Variants in TPD52L1 observed in about 807,000 individuals in gnomAD.
TPD52L1 encodes the protein tumor protein D53.
A neutral mutation model predicts 28.7 loss-of-function variants in TPD52L1; 18 were observed. That is an observed-to-expected ratio of 0.63 (90% confidence interval 0.43 to 0.93). The LOEUF (loss-of-function observed/expected upper bound fraction) is 0.93. TPD52L1 is among the 40% of genes least tolerant of loss of function. The pLI, the probability that TPD52L1 is intolerant of heterozygous loss-of-function variation, is 0.00. For synonymous variants in TPD52L1, 75 were observed against 88.8 expected (o/e 0.84, Z 0.88); for missense variants, 203 against 254.8 (o/e 0.80, Z 1.39).
In TPD52L1 at chr6:125,160,786, G is replaced by C. The variant is rs954902252; in HGVS notation, c.19+6816G>C. 2.6e-5 allele frequency among the ~76,000 whole-genome samples: 4 copies of C among 151,578 alleles called. No homozygotes were observed. In the East Asian group the frequency reaches 7.7e-4, roughly 29 times the overall value. ...CTATCTTAGCCAGATCTTCTGGAGA[G>C]CTTGCTGCAGCTTTGGCAACAGCCC... On this transcript the variant is annotated intron_variant, in intron 1 of 6. Coordinates refer to ENST00000534000, the MANE Select transcript of TPD52L1 (RefSeq NM_003287.4).
chr6:125,182,359 T>C (rs1792255965), intron 1 of TPD52L1, among the ~76,000 whole-genome samples: 1 of 152,134 alleles, frequency 6.6e-6, no homozygotes. Context: ...CTGCCTTTTT[T>C]AGGAATCGTG....
intron 1 of TPD52L1, among the ~76,000 whole-genome samples, chr6:125,191,377 G>A (rs1406245029): frequency 6.6e-6 from 1 of 152,184 alleles, no homozygotes; most frequent in Admixed American, 6.5e-5. Flanking sequence ...AAATGAAGAA[G>A]GGAGAGTCCA....
At chr6:125,171,932 ATT>A (rs59372322) in intron 1 of TPD52L1, among the ~76,000 whole-genome samples, 4 of 151,090 alleles carry the variant, frequency 2.6e-5, no homozygotes. Context: ...TGGGATGTAT[ATT>A]TTTTTTTGTG....
Position 125,260,963 on chromosome 6 carries a change from A to G in TPD52L1, c.487-1871A>G, listed in dbSNP as rs1444688750. 59 of 42,042 alleles carry G rather than the reference A, an allele frequency of 1.4e-3. 2 individuals carry two copies. The highest frequency in any genetic ancestry group is 0.013 in the African/African-American group (57 of 4,270). 2.6% of individuals were successfully genotyped at this position (42,042 alleles called of 1,614,324 possible). On this transcript the variant is annotated intron_variant, in intron 6 of 6. Transcript: ENST00000534000. The stretch of plus-strand genomic sequence containing the variant: ...AAGAAAGAAAGAAAGAAAGAAAGAA[A>G]GAAAGAAAGAAAGAAAAGAAAAGAA...
chr6:125,171,606 A>G (rs1350249516), intron 1 of TPD52L1, among the ~76,000 whole-genome samples: 1 of 152,154 alleles, frequency 6.6e-6, no homozygotes, highest in Non-Finnish European at 1.5e-5. Context: ...GTCTTTTAGG[A>G]CATAAGGAAG....
intron 1 of TPD52L1, chr6:125,154,273 G>A: frequency 1.7e-6 from 2 of 1,210,018 alleles, no homozygotes; most frequent in Non-Finnish European, 1.0e-6. Context: ...CCAACCTCGC[G>A]GCTGCCCGAA....
intron 1 of TPD52L1, among the ~76,000 whole-genome samples, chr6:125,159,474 C>T (rs1257969422): frequency 6.6e-6 from 1 of 152,206 alleles, no homozygotes. Context: ...ATCTGCACTT[C>T]ATTTCCTCCA....
intron 1 of TPD52L1, among the ~76,000 whole-genome samples, chr6:125,192,413 CAG>C (rs959659601): frequency 3.3e-5 from 5 of 151,172 alleles, no homozygotes; most frequent in African/African-American, 7.3e-5. Context: ...GGAGGAGAAA[CAG>C]AGTTGCAGCT....
chr6:125,206,121 C>A (rs1004350847), intron 1 of TPD52L1, among the ~76,000 whole-genome samples: 62 of 152,086 alleles, frequency 4.1e-4, no homozygotes, highest in African/African-American at 1.5e-3. Context: ...GACATAATTT[C>A]TTTTTTTAGC....
intron 3 of TPD52L1, among the ~76,000 whole-genome samples, chr6:125,239,338 T>C (rs538850713): frequency 1.5e-4 from 23 of 152,220 alleles, no homozygotes; most frequent in African/African-American, 5.5e-4. Context: ...ATACCCAAGA[T>C]TGGGTAATTT....
chr6:125,182,552 G>T (rs746113300), intron 1 of TPD52L1, among the ~76,000 whole-genome samples: 1 of 152,104 alleles, frequency 6.6e-6, no homozygotes, highest in Non-Finnish European at 1.5e-5. Context: ...CAGGCATTGG[G>T]TACAGCTTCT....
chr6:125,177,222 A>G (rs777850890), intron 1 of TPD52L1, among the ~76,000 whole-genome samples: 7 of 152,076 alleles, frequency 4.6e-5, no homozygotes, highest in Non-Finnish European at 8.8e-5. Context: ...CTAATCTTCC[A>G]AACCCGTTTT....
At chr6:125,248,477 A>AT (rs1797055167) in intron 4 of TPD52L1, 94 bp downstream of exon 4, 3 of 820,622 alleles carry the variant, frequency 3.7e-6, no homozygotes, top group East Asian at 2.6e-5. Flanking sequence ...CAACATATGT[A>AT]TTTTTTTATT....
At chr6:125,159,633 C>T (rs1186763130) in intron 1 of TPD52L1, among the ~76,000 whole-genome samples, 1 of 152,118 alleles carries the variant, frequency 6.6e-6, no homozygotes, top group Non-Finnish European at 1.5e-5. Flanking sequence ...AGAATGTTTT[C>T]AATTTATTTT....
chr6:125,262,570 G>C, intron 6 of TPD52L1: 1 of 356,580 alleles, frequency 2.8e-6, no homozygotes, highest in Non-Finnish European at 5.1e-6. Context: ...CTCCTGAAGG[G>C]ATTAAAATCT....
At chr6:125,251,193 G>A (rs1393890076) in intron 4 of TPD52L1, among the ~76,000 whole-genome samples, 2 of 152,054 alleles carry the variant, frequency 1.3e-5, no homozygotes, top group African/African-American at 4.8e-5. Flanking sequence ...TGTAAATATG[G>A]GGAATATGTT....
chr6:125,251,753 G>A (rs1562384851), intron 4 of TPD52L1, among the ~76,000 whole-genome samples: 1 of 152,194 alleles, frequency 6.6e-6, no homozygotes, highest in Non-Finnish European at 1.5e-5. Flanking sequence ...CTGATCCACT[G>A]GGGACAAAAT....
At chr6:125,166,444 G>A (rs561244988) in intron 1 of TPD52L1, among the ~76,000 whole-genome samples, 131 of 152,154 alleles carry the variant, frequency 8.6e-4, no homozygotes, top group African/African-American at 3.1e-3. Context: ...GATATCCCAG[G>A]GTTCCAACAG....
chr6:125,230,095 A>G (rs1382334212), intron 3 of TPD52L1, among the ~76,000 whole-genome samples: 6 of 152,136 alleles, frequency 3.9e-5, no homozygotes, highest in Non-Finnish European at 8.8e-5. Flanking sequence ...CAAAAAAAAG[A>G]AAGGAAGAAA....
Sources: allele counts gnomAD v4.1 joint callset (sites outside exome capture counted in the v4.1 genomes callset), GRCh38; gene constraint gnomAD v4.1.1; transcripts MANE v1.5; gene names NCBI Gene and HGNC (gene_info 2026-07-23, HGNC 2026-07-21).